RNU5A-1: variants seen among roughly 807,000 people sequenced by gnomAD.
RNU5A-1 encodes RNA, U5C small nuclear.
exon 1 of RNU5A-1, chr15:65,296,076 A>G (rs969400662): frequency 2.6e-5 from 4 of 152,222 alleles, no homozygotes; most frequent in Non-Finnish European, 4.4e-5. Context: ...TTCAGATCGC[A>G]TAAATCTTTC....
At chr15:65,296,125 G>A (rs745718735) in exon 1 of RNU5A-1, 5 of 152,164 alleles carry the variant, frequency 3.3e-5, no homozygotes, top group South Asian at 2.1e-4. Context: ...GAACAACTCT[G>A]AGTCTTAACC....
At chr15:65,296,107 G>A (rs752177673) in exon 1 of RNU5A-1, 17 of 152,194 alleles carry the variant, frequency 1.1e-4, no homozygotes, top group African/African-American at 3.9e-4. Flanking sequence ...AAAGATTTCC[G>A]TGGAGAGGAA....
chr15:65,296,085 T>G (rs2090716474), exon 1 of RNU5A-1: 1 of 152,230 alleles, frequency 6.6e-6, no homozygotes, highest in Non-Finnish European at 1.5e-5. Flanking sequence ...CATAAATCTT[T>G]CGCCTTTTAC....
chr15:65,296,059 GT>G (rs1408816265), exon 1 of RNU5A-1: 1 of 152,140 alleles, frequency 6.6e-6, no homozygotes, highest in African/African-American at 2.4e-5. Flanking sequence ...GTATACTCTG[GT>G]TTCTCTTCAG....
At chr15:65,296,165 C>A (rs747039378) in exon 1 of RNU5A-1, 1 of 152,180 alleles carries the variant, frequency 6.6e-6, no homozygotes, top group African/African-American at 2.4e-5. Context: ...TTTGGCAAGG[C>A]TATATGTGGT....
chr15:65,296,084 T>C (rs1191985471), exon 1 of RNU5A-1: 2 of 152,220 alleles, frequency 1.3e-5, no homozygotes, highest in African/African-American at 4.8e-5. Context: ...GCATAAATCT[T>C]TCGCCTTTTA....
chr15:65,296,156 T>G (rs989771452), exon 1 of RNU5A-1: 3 of 152,202 alleles, frequency 2.0e-5, no homozygotes, highest in African/African-American at 7.2e-5. Flanking sequence ...AGGCCTTGCT[T>G]TGGCAAGGCT....
At chr15:65,296,099 A>G (rs1359727412) in exon 1 of RNU5A-1, 1 of 152,202 alleles carries the variant, frequency 6.6e-6, no homozygotes, top group Admixed American at 6.5e-5. Flanking sequence ...CTTTTACTAA[A>G]GATTTCCGTG....
At chr15:65,296,132 A>G (rs970259539) in exon 1 of RNU5A-1, 1 of 152,212 alleles carries the variant, frequency 6.6e-6, no homozygotes, top group South Asian at 2.1e-4. Flanking sequence ...TCTGAGTCTT[A>G]ACCCAATTTT....
exon 1 of RNU5A-1, chr15:65,296,072 T>G (rs1044785695): frequency 6.6e-6 from 1 of 152,218 alleles, no homozygotes; most frequent in Non-Finnish European, 1.5e-5. Flanking sequence ...TCTCTTCAGA[T>G]CGCATAAATC....
At chr15:65,296,137 A>C (rs1026574320) in exon 1 of RNU5A-1, 11 of 152,160 alleles carry the variant, frequency 7.2e-5, no homozygotes, top group Non-Finnish European at 1.3e-4. Flanking sequence ...GTCTTAACCC[A>C]ATTTTTTGAG....
chr15:65,296,136 C>G (rs184210938), exon 1 of RNU5A-1: 8 of 152,248 alleles, frequency 5.3e-5, no homozygotes, highest in South Asian at 2.1e-4. Context: ...AGTCTTAACC[C>G]AATTTTTTGA....
chr15:65,296,102 T>G (rs963581696), exon 1 of RNU5A-1: 9 of 152,218 alleles, frequency 5.9e-5, no homozygotes, highest in Admixed American at 5.9e-4. Context: ...TTACTAAAGA[T>G]TTCCGTGGAG....
exon 1 of RNU5A-1, chr15:65,296,096 T>G (rs1167961479): frequency 6.6e-6 from 1 of 152,234 alleles, no homozygotes; most frequent in Non-Finnish European, 1.5e-5. Flanking sequence ...CGCCTTTTAC[T>G]AAAGATTTCC....
exon 1 of RNU5A-1, chr15:65,296,057 T>G (rs1178078456): frequency 6.6e-6 from 1 of 152,220 alleles, no homozygotes; most frequent in African/African-American, 2.4e-5. Flanking sequence ...TGGTATACTC[T>G]GGTTTCTCTT....
exon 1 of RNU5A-1, chr15:65,296,096 T>A (rs1167961479): frequency 1.3e-5 from 2 of 152,234 alleles, no homozygotes; most frequent in Non-Finnish European, 1.5e-5. Flanking sequence ...CGCCTTTTAC[T>A]AAAGATTTCC....
At chr15:65,296,108 T>C (rs755642447) in exon 1 of RNU5A-1, 1 of 152,182 alleles carries the variant, frequency 6.6e-6, no homozygotes, top group African/African-American at 2.4e-5. Context: ...AAGATTTCCG[T>C]GGAGAGGAAC....
exon 1 of RNU5A-1, chr15:65,296,149 C>A (rs970452987): frequency 2.0e-5 from 3 of 152,156 alleles, no homozygotes; most frequent in African/African-American, 4.8e-5. Context: ...TTTTTTGAGG[C>A]CTTGCTTTGG....
At chr15:65,296,124 T>C (rs890539603) in exon 1 of RNU5A-1, 1 of 152,186 alleles carries the variant, frequency 6.6e-6, no homozygotes, top group South Asian at 2.1e-4. Flanking sequence ...GGAACAACTC[T>C]GAGTCTTAAC....
Sources: gnomAD v4.1 joint callset for allele counts on GRCh38, gnomAD v4.1.1 for gene constraint, MANE v1.5 for transcripts, NCBI Gene and HGNC (gene_info 2026-07-23, HGNC 2026-07-21) for gene names.